The following PCDH15 variants were observed in gnomAD, a reference collection of about 807,000 sequenced individuals.
PCDH15 encodes the protein protocadherin related 15.
PCDH15 carries 129 observed loss-of-function variants against 178.5 expected under a neutral mutation model. The ratio of observed to expected loss-of-function variants is 0.72; its 90% CI spans 0.63 to 0.84. PCDH15 has a LOEUF of 0.84. Ranked by LOEUF, PCDH15 falls within the 40% of genes least tolerant of loss-of-function variation. PCDH15 has a pLI of 0.00. For missense variants in PCDH15, 2,230 were observed against 2,099.9 expected (o/e 1.06, Z -1.21); for synonymous variants, 800 against 732.0 (o/e 1.09, Z -1.50).
At chr10:53,892,554 T>C (rs890651643) in intron 26 of PCDH15, among the ~76,000 whole-genome samples, 3 of 152,124 alleles carry the variant, frequency 2.0e-5, no homozygotes, top group East Asian at 1.9e-4. Context: ...GTAAAACATA[T>C]GCAGAATTAT....
intron 2 of PCDH15, among the ~76,000 whole-genome samples, chr10:55,351,411 T>G (rs2131967479): frequency 6.6e-6 from 1 of 152,180 alleles, no homozygotes; most frequent in Admixed American, 6.5e-5. Context: ...CCTACTAACC[T>G]TATAAGTGGG....
chr10:54,830,266 T>C (rs1288540273), intron 3 of PCDH15, among the ~76,000 whole-genome samples: 6 of 152,112 alleles, frequency 3.9e-5, no homozygotes, highest in African/African-American at 1.4e-4. Flanking sequence ...ATCATGCTGC[T>C]ATAAAGACAC....
At chr10:54,144,294 C>A (rs1432905983) in intron 14 of PCDH15, among the ~76,000 whole-genome samples, 5 of 151,992 alleles carry the variant, frequency 3.3e-5, no homozygotes, top group Non-Finnish European at 5.9e-5. Context: ...ACCAAACAGT[C>A]CCATAGATCA....
At chr10:54,297,448 C>T (rs2059874129) in intron 8 of PCDH15, among the ~76,000 whole-genome samples, 1 of 152,076 alleles carries the variant, frequency 6.6e-6, no homozygotes, top group African/African-American at 2.4e-5. Flanking sequence ...GAGTGAAATA[C>T]CTTATGTCCA....
At chr10:55,602,091 G>C (rs1843096490) in intron 2 of PCDH15, among the ~76,000 whole-genome samples, 1 of 152,116 alleles carries the variant, frequency 6.6e-6, no homozygotes, top group Admixed American at 6.5e-5. Context: ...CAAGGGGTCA[G>C]GGAGTTCCCT....
Position 54,897,794 on chromosome 10 carries a change from C to A in PCDH15, c.-79-294G>T, listed in dbSNP as rs148007438. 8.3e-3 allele frequency among the ~76,000 whole-genome samples: 1,264 copies of A among 152,140 alleles called. 13 individuals carry two copies. Among genetic ancestry groups the A allele is most frequent in the South Asian group, 0.014 (65 of 4,808 alleles). On this transcript the variant is annotated intron_variant, in intron 2 of 5. Transcript: ENST00000458638. ...TAGATCATTTTGGAAACTAATTTTT[C>A]AAATTTCACAAGCAATATGGAAATA... is the stretch of plus-strand genomic sequence containing the variant.
At chr10:55,491,834 T>C (rs1840426034) in intron 2 of PCDH15, among the ~76,000 whole-genome samples, 1 of 151,616 alleles carries the variant, frequency 6.6e-6, no homozygotes, top group Non-Finnish European at 1.5e-5. Flanking sequence ...GGGAGACAGC[T>C]AAGAATAGGT....
intron 2 of PCDH15, among the ~76,000 whole-genome samples, chr10:55,534,186 G>C (rs1157867307): frequency 6.6e-6 from 1 of 151,978 alleles, no homozygotes; most frequent in Non-Finnish European, 1.5e-5. Context: ...TTTTGGCTAA[G>C]TCTCTAAAAG....
At chr10:53,825,017 T>A in intron 32 of PCDH15, 1 of 1,249,768 alleles carries the variant, frequency 8.0e-7, no homozygotes, top group Non-Finnish European at 1.0e-6. Flanking sequence ...CTTTTAACAG[T>A]AAGTGAGTCT....
chr10:55,352,483 A>C (rs1259399461), intron 2 of PCDH15, among the ~76,000 whole-genome samples: 1 of 152,146 alleles, frequency 6.6e-6, no homozygotes, highest in Non-Finnish European at 1.5e-5. Context: ...CAGCCATCAG[A>C]AGTTGACAAT....
At chr10:55,139,573 G>T (rs1838291758) in intron 2 of PCDH15, among the ~76,000 whole-genome samples, 1 of 151,884 alleles carries the variant, frequency 6.6e-6, no homozygotes, top group East Asian at 1.9e-4. Flanking sequence ...AATTGCTTTT[G>T]CAATTGTGTC....
intron 14 of PCDH15, among the ~76,000 whole-genome samples, chr10:54,146,907 GTGTATATATATAGTGTATATATATATAA>G (rs1564530121): frequency 1.9e-3 from 121 of 63,028 alleles, no homozygotes; most frequent in East Asian, 8.0e-3. Flanking sequence ...TATATATATA[GTGTATATATATAGTGTATATATATATAA>G]TGTATATATA....
intron 14 of PCDH15, among the ~76,000 whole-genome samples, chr10:54,136,523 G>T (rs2042917975): frequency 6.6e-6 from 1 of 151,766 alleles, no homozygotes; most frequent in South Asian, 2.1e-4. Context: ...ACTTTATAAA[G>T]GTTTTACAAG....
intron 18 of PCDH15, among the ~76,000 whole-genome samples, chr10:54,039,299 T>G (rs1215617518): frequency 6.6e-6 from 1 of 151,934 alleles, no homozygotes; most frequent in Non-Finnish European, 1.5e-5. Flanking sequence ...CATGATAGAT[T>G]GGAGTCCAGA....
Position 54,195,810 on chromosome 10 carries a change from G to A in PCDH15, c.1178C>T (p.Pro393Leu). ...TTGATAACTGGGCATTGTAAAATAT[G>A]GACTTTGATTGTTTTCATCCAGTAT... ...IEILDENNQS[P>L]YFTMPSYQGY... The change falls in exon 11 of 38, where the codon CCA becomes CTA. Residue 393 changes from proline (P) to leucine (L), a missense_variant. Coordinates refer to ENST00000644397, the MANE Select transcript of PCDH15 (RefSeq NM_001384140.1). 3.7e-6 allele frequency: 6 copies of A among 1,613,976 alleles called. No individual in the cohort carries two copies. Among genetic ancestry groups the A allele is most frequent in the Non-Finnish European group, 5.1e-6 (6 of 1,179,886 alleles).
chr10:54,974,790 A>G (rs921001668), intron 2 of PCDH15, among the ~76,000 whole-genome samples: 46 of 152,204 alleles, frequency 3.0e-4, no homozygotes, highest in African/African-American at 1.1e-3. Context: ...CCCAGAAATA[A>G]TAAAGTTAAC....
At chr10:54,331,675 G>GTGAC (rs1234019673) in intron 6 of PCDH15, among the ~76,000 whole-genome samples, 1 of 151,926 alleles carries the variant, frequency 6.6e-6, no homozygotes, top group Non-Finnish European at 1.5e-5. Context: ...TTACATTTTA[G>GTGAC]TGACTCAATA....
intron 2 of PCDH15, among the ~76,000 whole-genome samples, chr10:55,408,427 T>C (rs181554585): frequency 6.6e-6 from 1 of 151,990 alleles, no homozygotes; most frequent in African/African-American, 2.4e-5. Context: ...CACGTGATCC[T>C]CCTGCCTTGG....
intron 2 of PCDH15, among the ~76,000 whole-genome samples, chr10:55,155,752 G>T (rs1838867842): frequency 6.6e-6 from 1 of 152,032 alleles, no homozygotes; most frequent in Non-Finnish European, 1.5e-5. Flanking sequence ...TACTCATCAA[G>T]TCCCTGATGA....
Sources: allele counts gnomAD v4.1 joint callset (sites outside exome capture counted in the v4.1 genomes callset), GRCh38; gene constraint gnomAD v4.1.1; transcripts MANE v1.5; gene names NCBI Gene and HGNC (gene_info 2026-07-23, HGNC 2026-07-21).